Variants in RASSF5 observed in about 807,000 individuals in gnomAD.
The protein encoded by RASSF5 is ras association domain-containing protein 5.
Under a neutral mutation model 40.5 loss-of-function variants are expected in RASSF5, and 25 were observed. The ratio of observed to expected loss-of-function variants is 0.62; its 90% CI spans 0.45 to 0.86. RASSF5 has a LOEUF of 0.86. Among genes scored for constraint, RASSF5 ranks in the 40% least tolerant of loss-of-function variants. RASSF5 has a pLI of 0.00. For synonymous variants in RASSF5, 246 were observed against 252.4 expected (o/e 0.97, Z 0.24); for missense variants, 521 against 572.8 (o/e 0.91, Z 0.92).
chr1:206,542,920 GC>G (rs1333307174), intron 2 of RASSF5: 4 of 152,108 alleles, frequency 2.6e-5, no homozygotes, highest in Non-Finnish European at 5.9e-5. Flanking sequence ...TATTTATTAA[GC>G]CAGGCACTAG....
chr1:206,534,112 G>T (rs1000090108), intron 1 of RASSF5, among the ~76,000 whole-genome samples: 3 of 152,222 alleles, frequency 2.0e-5, no homozygotes, highest in African/African-American at 7.2e-5. Context: ...TAAGTCACCT[G>T]GTTCATGGTA....
In RASSF5 at chr1:206,535,563, T is replaced by C. The variant is rs1553398503; in HGVS notation, c.458-2609T>C. ...TCAGAGGTTTTGCTGCAGCCTGTGA[T>C]TACATGGTCCGATGGAACAAAGTCT... On this transcript the variant is annotated intron_variant, in intron 1 of 5. Transcript: ENST00000579436. The surrounding 1 kb of genome is among the most constrained non-coding windows in gnomAD (Gnocchi z 5.0). Among the ~76,000 whole-genome samples the C allele has an allele frequency of 6.6e-6, 1 of 152,164 alleles. No individual in the cohort carries two copies. The highest frequency in any genetic ancestry group is 1.5e-5 in the Non-Finnish European group (1 of 68,020).
intron 1 of RASSF5, 81 bp downstream of exon 1, chr1:206,508,140 G>A: frequency 9.1e-7 from 1 of 1,102,030 alleles, no homozygotes; most frequent in Non-Finnish European, 1.2e-6. Flanking sequence ...GGGGCAGGGA[G>A]AGAGGGGCCA....
intron 1 of RASSF5, among the ~76,000 whole-genome samples, chr1:206,523,945 T>C (rs1177722933): frequency 8.6e-6 from 1 of 115,802 alleles, no homozygotes; most frequent in African/African-American, 3.6e-5. Context: ...ATATATTTTA[T>C]ATATAATATA....
chr1:206,576,765 T>C (rs562992880), intron 2 of RASSF5, among the ~76,000 whole-genome samples: 75 of 152,294 alleles, frequency 4.9e-4, no homozygotes, highest in Non-Finnish European at 7.4e-5. Context: ...AACAACAGCA[T>C]AGAGCAAACT....
At chr1:206,519,570 G>A (rs1212319943) in intron 1 of RASSF5, among the ~76,000 whole-genome samples, 1 of 152,122 alleles carries the variant, frequency 6.6e-6, no homozygotes, top group Non-Finnish European at 1.5e-5. Context: ...CTCTTTAACG[G>A]TTGGCACTCT....
At chr1:206,578,040 TAG>T (rs1668719409) in intron 2 of RASSF5, among the ~76,000 whole-genome samples, 1 of 151,302 alleles carries the variant, frequency 6.6e-6, no homozygotes, top group Non-Finnish European at 1.5e-5. Context: ...CTGGGCAACA[TAG>T]CAAGGCACCT....
chr1:206,544,554 T>G (rs1667626295), intron 2 of RASSF5: 1 of 152,254 alleles, frequency 6.6e-6, no homozygotes, highest in African/African-American at 2.4e-5. Context: ...ATAAGGTTTA[T>G]GACTATTGTT....
At chr1:206,538,056 C>G (rs1371072414) in intron 1 of RASSF5, 116 bp from the exon 2 acceptor site, 6 of 1,445,220 alleles carry the variant, frequency 4.2e-6, no homozygotes, top group Non-Finnish European at 5.8e-6. Context: ...CACCACTTCT[C>G]TCCTGCACTG....
chr1:206,584,397 G>A lies in RASSF5; in HGVS notation c.701G>A (p.Gly234Asp). 1 of 1,612,018 alleles carries A rather than the reference G, an allele frequency of 6.2e-7. No homozygotes were observed. Among genetic ancestry groups the A allele is most frequent in the Non-Finnish European group, 8.5e-7 (1 of 1,178,654 alleles). The change falls in exon 4 of 6, where the codon GGC becomes GAC. Residue 234 changes from glycine to aspartate, a missense_variant. By Grantham distance (94) the Gly-to-Asp change is moderately conservative (BLOSUM62 -1). Around this residue, in one of 2 missense-constraint regions of RASSF5, gnomAD observed 284 missense variants for 360.8 expected, o/e 0.79. Transcript: ENST00000579436. The surrounding 1 kb of genome is among the most constrained non-coding windows in gnomAD (Gnocchi z 4.9). ...NCLGMKLSED[G>D]TYTGFIKVHL... Reference sequence around the variant, plus strand: ...TGCCCCCGCTGGCAGAGTGAAGACGGCACCTACACGGGTTTCATCAAAGTG... The same window carrying A: ...TGCCCCCGCTGGCAGAGTGAAGACGACACCTACACGGGTTTCATCAAAGTG...
intron 5 of RASSF5, 23 bp from the exon 6 acceptor site, chr1:206,586,803 C>T: frequency 6.3e-7 from 1 of 1,597,628 alleles, no homozygotes; most frequent in Non-Finnish European, 8.6e-7. Context: ...TTTCTTCCCA[C>T]AAATCTCCCT....
chr1:206,543,344 T>A (rs1401894933), intron 2 of RASSF5: 2 of 151,958 alleles, frequency 1.3e-5, no homozygotes, highest in Non-Finnish European at 2.9e-5. Context: ...GGGCACTGGG[T>A]CCAGGGAGTG....
At chr1:206,585,710 C>T (rs189085063) in intron 5 of RASSF5, 207 of 162,456 alleles carry the variant, frequency 1.3e-3, no homozygotes, top group Non-Finnish European at 2.5e-3. Flanking sequence ...TGACCTCCAT[C>T]CCCCAAGGGG....
At chr1:206,539,415 A>G (rs1418817720) in intron 2 of RASSF5, among the ~76,000 whole-genome samples, 1 of 152,198 alleles carries the variant, frequency 6.6e-6, no homozygotes, top group African/African-American at 2.4e-5. Flanking sequence ...CAGAGTAGCC[A>G]TCACATGCTT....
intron 2 of RASSF5, chr1:206,544,171 CA>C (rs1667616923): frequency 6.6e-6 from 1 of 152,124 alleles, no homozygotes; most frequent in South Asian, 2.1e-4. Context: ...ACATATGAGC[CA>C]GGACAAGCCT....
intron 5 of RASSF5, 79 bp from the exon 6 acceptor site, chr1:206,586,747 C>A: frequency 9.3e-7 from 1 of 1,073,596 alleles, no homozygotes; most frequent in Non-Finnish European, 1.4e-6. Context: ...GGGAAGGCAG[C>A]AGGGTCTCTC....
At chr1:206,540,176 A>T (rs1553399187) in intron 2 of RASSF5, among the ~76,000 whole-genome samples, 1 of 152,244 alleles carries the variant, frequency 6.6e-6, no homozygotes, top group East Asian at 1.9e-4. Context: ...ACAAAGAATT[A>T]TCTGACCTCA....
At chr1:206,585,596 A>G in intron 5 of RASSF5, 1 of 244,820 alleles carries the variant, frequency 4.1e-6, no homozygotes, top group Non-Finnish European at 8.1e-6. Context: ...CCCTGTGCTC[A>G]GGCACAGGCT....
chr1:206,518,422 C>T (rs1666818386), intron 1 of RASSF5: 1 of 398,738 alleles, frequency 2.5e-6, no homozygotes, highest in Non-Finnish European at 4.4e-6. Flanking sequence ...GCAACCGCTG[C>T]CTGCTTTGGG....
Sources: allele counts gnomAD v4.1 joint callset (sites outside exome capture counted in the v4.1 genomes callset), GRCh38; gene constraint gnomAD v4.1.1; regional missense constraint gnomAD v4.1.1; non-coding constraint Gnocchi (gnomAD v3.1); transcripts MANE v1.5; gene names NCBI Gene and HGNC (gene_info 2026-07-23, HGNC 2026-07-21).